Variants in HSF2BP observed in about 807,000 individuals in gnomAD.
The protein encoded by HSF2BP is heat shock factor 2-binding protein.
Under a neutral mutation model 35.0 loss-of-function variants are expected in HSF2BP, and 35 were observed. The observed-to-expected ratio is 1.00, with a 90% CI of 0.76 to 1.32. The LOEUF (loss-of-function observed/expected upper bound fraction) is 1.32, where lower values mean the gene tolerates loss of function less well. Ranked by LOEUF, HSF2BP falls within the 40% of genes most tolerant of loss-of-function variation. HSF2BP has a pLI of 0.00. For missense variants in HSF2BP, 326 were observed against 321.7 expected, an observed-to-expected ratio of 1.01 and a Z score of -0.10; for synonymous variants, 114 against 117.4, an observed-to-expected ratio of 0.97 and a Z score of 0.18.
chr21:43,655,653 G>A (rs1479269462), intron 3 of HSF2BP, among the ~76,000 whole-genome samples: 4 of 152,128 alleles, frequency 2.6e-5, no homozygotes, highest in Non-Finnish European at 5.9e-5. Flanking sequence ...GCCTTCCATT[G>A]GTGAGCCCCA....
intron 4 of HSF2BP, among the ~76,000 whole-genome samples, chr21:43,636,780 T>A (rs910034990): frequency 2.0e-5 from 3 of 150,672 alleles, no homozygotes; most frequent in African/African-American, 7.3e-5. Flanking sequence ...TAATCCCAGC[T>A]GCTCAGGAGG....
intron 7 of HSF2BP, among the ~76,000 whole-genome samples, chr21:43,612,413 A>G (rs555660859): frequency 3.9e-5 from 6 of 152,308 alleles, no homozygotes; most frequent in African/African-American, 1.2e-4. Flanking sequence ...GCACTTTGGG[A>G]GGCCAAGGCG....
intron 8 of HSF2BP, among the ~76,000 whole-genome samples, chr21:43,583,493 C>A (rs2081793239): frequency 1.5e-5 from 1 of 67,042 alleles, no homozygotes; most frequent in East Asian, 5.6e-4. Context: ...GAGATGAGGA[C>A]CTGCTGAGAG....
In HSF2BP at chr21:43,658,040, G is replaced by A. The variant is rs373161663; in HGVS notation, c.36+21C>T. 39 of 1,535,568 alleles carry A rather than the reference G, an allele frequency of 2.5e-5. No individual in the cohort carries two copies. The African/African-American group carries it at 4.4e-4, about 17-fold the overall frequency. On this transcript the variant is annotated intron_variant, in intron 2 of 8. Transcript: ENST00000291560. ...GCGACGGTTCAAACACGCTGGCGTCGGCCAGGGCTTCCTCACTAACCCGGC... is the reference window on the plus strand; with the variant it reads ...GCGACGGTTCAAACACGCTGGCGTCAGCCAGGGCTTCCTCACTAACCCGGC...
intron 8 of HSF2BP, among the ~76,000 whole-genome samples, chr21:43,583,919 G>A (rs2081807048): frequency 7.3e-6 from 1 of 137,248 alleles, no homozygotes; most frequent in African/African-American, 2.8e-5. Flanking sequence ...GGGAGATGAA[G>A]GGCCTGCTGA....
At chr21:43,579,545 C>T (rs2081694742) in intron 8 of HSF2BP, among the ~76,000 whole-genome samples, 1 of 152,102 alleles carries the variant, frequency 6.6e-6, no homozygotes, top group Non-Finnish European at 1.5e-5. Context: ...AGACTGAAAT[C>T]CTGAAAATTA....
intron 4 of HSF2BP, among the ~76,000 whole-genome samples, chr21:43,634,950 G>C (rs897705790): frequency 6.6e-6 from 1 of 152,084 alleles, no homozygotes; most frequent in African/African-American, 2.4e-5. Context: ...AGGATATGGT[G>C]GTTCTTCTGC....
At chr21:43,616,971 A>T (rs1025610546) in intron 6 of HSF2BP, among the ~76,000 whole-genome samples, 1 of 151,922 alleles carries the variant, frequency 6.6e-6, no homozygotes, top group African/African-American at 2.4e-5. Flanking sequence ...AAGAAATAGC[A>T]CAGTGAAGAA....
chr21:43,588,400 TAAG>T (rs1353080912), intron 8 of HSF2BP, among the ~76,000 whole-genome samples: 2 of 151,844 alleles, frequency 1.3e-5, no homozygotes, highest in African/African-American at 2.4e-5. Flanking sequence ...AATAAATAAA[TAAG>T]AAGTCATCCA....
chr21:43,603,768 CA>C (rs1395899539), intron 7 of HSF2BP, among the ~76,000 whole-genome samples: 1 of 151,860 alleles, frequency 6.6e-6, no homozygotes, highest in Non-Finnish European at 1.5e-5. Context: ...AGGGTCTTCA[CA>C]AAAAAAGGCA....
rs527965163 is a variant in HSF2BP, at chr21:43,591,864, C to T, written c.796+361G>A. On this transcript the variant is annotated intron_variant, in intron 8 of 8. Transcript: ENST00000291560. ...CCCTTTGTCCAGCATATGCTATGCG[C>T]CCTTTAGGTCACTCAGTAGCTATCT... is the stretch of plus-strand genomic sequence containing the variant. Among the ~76,000 whole-genome samples, 10 of 152,328 alleles carry T rather than the reference C, an allele frequency of 6.6e-5. No homozygotes were observed. The South Asian group carries it at 2.1e-3, about 32-fold the overall frequency.
chr21:43,614,221 G>A (rs554964450), intron 6 of HSF2BP, among the ~76,000 whole-genome samples: 85 of 151,962 alleles, frequency 5.6e-4, no homozygotes, highest in Non-Finnish European at 9.3e-4. Context: ...AAAATTAGCC[G>A]GGCACGGTGT....
At chr21:43,583,373 AGCTGAGGGAGATGAAGGGCCT>A (rs1177857883) in intron 8 of HSF2BP, among the ~76,000 whole-genome samples, 1 of 53,692 alleles carries the variant, frequency 1.9e-5, no homozygotes, top group African/African-American at 8.1e-5. Context: ...GATGAGGGCC[AGCTGAGGGAGATGAAGGGCCT>A]GCTGAGGGAG....
chr21:43,592,203 G>C, intron 8 of HSF2BP, 22 bp downstream of exon 8: 1 of 1,509,672 alleles, frequency 6.6e-7, no homozygotes, highest in Non-Finnish European at 9.2e-7. Flanking sequence ...CAAGCAGCTG[G>C]ACAGATAACC....
At chr21:43,629,603 CG>C (rs1568925858) in intron 6 of HSF2BP, among the ~76,000 whole-genome samples, 1 of 152,050 alleles carries the variant, frequency 6.6e-6, no homozygotes, top group East Asian at 1.9e-4. Context: ...AACAGGAGTT[CG>C]GAAGAAGTTG....
rs551252532 is a variant in HSF2BP at position 43,641,168 on chromosome 21, A to G, written c.291+3121T>C. On this transcript the variant is annotated intron_variant, in intron 4 of 8. Coordinates refer to ENST00000291560, the MANE Select transcript of HSF2BP (RefSeq NM_007031.2). ...CCACCACGCCTGGCTAATTTTTTGT[A>G]TTTTCTTTTTTTAGTAGAAACGGGG... 4.6e-5 allele frequency among the ~76,000 whole-genome samples: 7 copies of G among 151,826 alleles called. 2 individuals carry two copies. The highest frequency in any genetic ancestry group is 1.7e-4 in the African/African-American group (7 of 41,426).
In HSF2BP at chr21:43,658,080, G is replaced by A. The variant is rs1465705454; in HGVS notation, c.17C>T (p.Ala6Val). Residue 6 changes from alanine to valine, a missense_variant, in exon 2 of 9, where the codon GCC (alanine) becomes GTC (valine). Ala to Val is a moderately conservative substitution (Grantham distance 64, BLOSUM62 0). Transcript: ENST00000291560. Reference sequence around the variant, plus strand: ...ACTAACCCGGCAGGCCTCCTCAGCGGCGCCCGCTTCGCCCATGGCCGCTGC... The same window carrying A: ...ACTAACCCGGCAGGCCTCCTCAGCGACGCCCGCTTCGCCCATGGCCGCTGC... Reference protein sequence around the residue: MGEAGAAEEACRHMGT... With the variant: MGEAGVAEEACRHMGT... 14 of 1,535,258 alleles carry A rather than the reference G, an allele frequency of 9.1e-6. No individual in the cohort carries two copies. The highest frequency in any genetic ancestry group is 1.2e-5 in the Non-Finnish European group (14 of 1,146,010).
At chr21:43,622,623 C>A (rs1380613400) in intron 6 of HSF2BP, among the ~76,000 whole-genome samples, 1 of 152,128 alleles carries the variant, frequency 6.6e-6, no homozygotes, top group Admixed American at 6.5e-5. Context: ...GAGGATATAA[C>A]AATTGTAAAT....
At chr21:43,648,159 TC>T (rs1555876004) in intron 3 of HSF2BP, among the ~76,000 whole-genome samples, 1 of 152,060 alleles carries the variant, frequency 6.6e-6, no homozygotes, top group African/African-American at 2.4e-5. Flanking sequence ...GTGTTTTTTT[TC>T]CCTCTACTTT....
Sources: gnomAD v4.1 joint callset for allele counts (sites outside exome capture counted in the v4.1 genomes callset) on GRCh38, gnomAD v4.1.1 for gene constraint, MANE v1.5 for transcripts, NCBI Gene and HGNC (gene_info 2026-07-23, HGNC 2026-07-21) for gene names.